Variants in ESRRB observed in about 807,000 individuals in gnomAD.
ESRRB encodes the protein steroid hormone receptor ERR2.
In ESRRB, 16 loss-of-function variants were observed where a neutral mutation model predicts 46.0. The observed-to-expected ratio is 0.35, with a 90% CI of 0.24 to 0.53. The LOEUF (loss-of-function observed/expected upper bound fraction) is 0.53. ESRRB is among the 20% of genes least tolerant of loss of function. ESRRB has a pLI of 0.93. For synonymous variants in ESRRB, 246 were observed against 259.6 expected (o/e 0.95, Z 0.50); for missense variants, 488 against 607.4 (o/e 0.80, Z 2.07).
At chr14:76,331,758 T>C (rs1038703763) in intron 1 of ESRRB, among the ~76,000 whole-genome samples, 2 of 151,624 alleles carry the variant, frequency 1.3e-5, no homozygotes, top group African/African-American at 4.8e-5. Context: ...GCCCTGCCTC[T>C]TTCTGCTTGG....
intron 1 of ESRRB, among the ~76,000 whole-genome samples, chr14:76,431,123 C>T (rs143266291): frequency 4.3e-4 from 66 of 152,270 alleles, no homozygotes; most frequent in Admixed American, 1.7e-3. Flanking sequence ...TGGTGAAACC[C>T]GTCTTTACTA....
chr14:76,448,484 A>G (rs1417151726), intron 2 of ESRRB, among the ~76,000 whole-genome samples: 1 of 135,190 alleles, frequency 7.4e-6, no homozygotes, highest in African/African-American at 2.8e-5. Flanking sequence ...ACGCACCACC[A>G]TGCCTGGCTA....
At chr14:76,463,816 T>C (rs1048353102) in intron 3 of ESRRB, among the ~76,000 whole-genome samples, 4 of 152,134 alleles carry the variant, frequency 2.6e-5, no homozygotes, top group African/African-American at 9.7e-5. Context: ...TTGGGACAAC[T>C]GCTCCAGGTC....
intron 1 of ESRRB, among the ~76,000 whole-genome samples, chr14:76,417,864 C>T (rs182527899): frequency 7.1e-4 from 107 of 151,578 alleles, no homozygotes; most frequent in African/African-American, 2.1e-3. Context: ...GCAGGTGCCT[C>T]GTGAGGACAG....
intron 2 of ESRRB, among the ~76,000 whole-genome samples, chr14:76,461,067 C>T (rs1391944969): frequency 6.6e-6 from 1 of 151,956 alleles, no homozygotes; most frequent in Non-Finnish European, 1.5e-5. Flanking sequence ...CCCTCCATTA[C>T]CAGGCACATT....
intron 1 of ESRRB, among the ~76,000 whole-genome samples, chr14:76,403,933 G>A (rs565342278): frequency 1.3e-5 from 2 of 152,180 alleles, no homozygotes; most frequent in Admixed American, 6.5e-5. Context: ...TGGCCAGGCT[G>A]GTCCCGAACT....
intron 1 of ESRRB, among the ~76,000 whole-genome samples, chr14:76,431,558 C>G (rs1077427): frequency 0.24 from 37,119 of 152,016 alleles, 4,647 homozygotes; most frequent in Admixed American, 0.29. Flanking sequence ...GGGTCCCACG[C>G]TGGCTACTGA....
At chr14:76,341,458 G>T (rs557183665) in intron 1 of ESRRB, among the ~76,000 whole-genome samples, 47 of 152,320 alleles carry the variant, frequency 3.1e-4, no homozygotes, top group African/African-American at 9.9e-4. Context: ...CGGCTCTCCT[G>T]CCTCCCTCAG....
intron 1 of ESRRB, among the ~76,000 whole-genome samples, chr14:76,315,628 T>C (rs1237329493): frequency 6.6e-6 from 1 of 152,204 alleles, no homozygotes; most frequent in Non-Finnish European, 1.5e-5. Context: ...GTTGACACTT[T>C]TATTTGTTCA....
chr14:76,488,289 G>T (rs1278307639), intron 5 of ESRRB, among the ~76,000 whole-genome samples: 1 of 152,138 alleles, frequency 6.6e-6, no homozygotes, highest in Non-Finnish European at 1.5e-5. Context: ...TATTTTCAGG[G>T]CTTTTTGAAA....
intron 1 of ESRRB, among the ~76,000 whole-genome samples, chr14:76,352,846 C>A (rs926421109): frequency 6.6e-6 from 1 of 152,252 alleles, no homozygotes; most frequent in African/African-American, 2.4e-5. Flanking sequence ...TCCCCTCTTT[C>A]CCTCCGCCCC....
chr14:76,366,927 T>C (rs535689452), upstream of ESRRB, among the ~76,000 whole-genome samples: 115 of 152,322 alleles, frequency 7.5e-4, no homozygotes, highest in African/African-American at 2.7e-3. Flanking sequence ...ATCACTGTAC[T>C]CACTGTGTGC....
intron 5 of ESRRB, among the ~76,000 whole-genome samples, chr14:76,485,538 G>A (rs986813315): frequency 1.3e-5 from 2 of 151,958 alleles, no homozygotes; most frequent in African/African-American, 4.8e-5. Context: ...CACCGTGCCT[G>A]GCCAGGTGCC....
intron 6 of ESRRB, among the ~76,000 whole-genome samples, chr14:76,497,424 C>A (rs1007908641): frequency 6.6e-6 from 1 of 152,158 alleles, no homozygotes; most frequent in African/African-American, 2.4e-5. Context: ...GTTTTACAGC[C>A]GGCTTAGACC....
At chr14:76,370,242 A>G (rs1276073153), upstream of ESRRB, among the ~76,000 whole-genome samples, 2 of 149,206 alleles carry the variant, frequency 1.3e-5, no homozygotes, top group Non-Finnish European at 3.0e-5. Flanking sequence ...AAAAAAAAAC[A>G]CAAAAGTTAG....
chr14:76,316,265 C>T (rs546817292), intron 1 of ESRRB, among the ~76,000 whole-genome samples: 22 of 152,186 alleles, frequency 1.4e-4, no homozygotes, highest in Admixed American at 2.0e-4. Context: ...CAGGGACTCA[C>T]GATGCGGCCA....
At chr14:76,440,277 A>G (rs1370840009) in intron 2 of ESRRB, among the ~76,000 whole-genome samples, 6 of 151,772 alleles carry the variant, frequency 4.0e-5, no homozygotes, top group African/African-American at 1.2e-4. Flanking sequence ...ACCAGCCTGG[A>G]CAACACAGTA....
intron 1 of ESRRB, among the ~76,000 whole-genome samples, chr14:76,436,768 G>C (rs796119314): frequency 1.2e-4 from 19 of 152,246 alleles, no homozygotes; most frequent in African/African-American, 4.6e-4. Flanking sequence ...ATGTAGAAGG[G>C]CCTGGAGGAG....
chr14:76,459,107 A>G (rs1166415553), intron 2 of ESRRB, among the ~76,000 whole-genome samples: 1 of 152,132 alleles, frequency 6.6e-6, no homozygotes, highest in Non-Finnish European at 1.5e-5. Context: ...GGCCTCCCAA[A>G]GTGCTGGGAT....
Sources: gnomAD v4.1 joint callset for allele counts (sites outside exome capture counted in the v4.1 genomes callset) on GRCh38, gnomAD v4.1.1 for gene constraint, MANE v1.5 for transcripts, NCBI Gene and HGNC (gene_info 2026-07-23, HGNC 2026-07-21) for gene names.